The following SPAG9 variants were observed in gnomAD, a reference collection of about 807,000 sequenced individuals.
SPAG9 encodes the protein sperm associated antigen 9, also known as C-Jun-amino-terminal kinase-interacting protein 4.
Under a neutral mutation model 166.5 loss-of-function variants are expected in SPAG9, and 35 were observed. The ratio of observed to expected loss-of-function variants is 0.21; its 90% confidence interval spans 0.16 to 0.28. SPAG9 has a LOEUF of 0.28. Ranked by LOEUF, SPAG9 falls within the 10% of genes least tolerant of loss-of-function variation. SPAG9 has a pLI of 1.00. For synonymous variants in SPAG9, 534 were observed against 565.5 expected (o/e 0.94, Z 0.79); for missense variants, 1,235 against 1,603.3 (o/e 0.77, Z 3.92).
chr17:51,119,013 G>A (rs990027927), intron 1 of SPAG9, among the ~76,000 whole-genome samples: 1 of 129,240 alleles, frequency 7.7e-6, no homozygotes, highest in Non-Finnish European at 1.6e-5. Flanking sequence ...CACCCTGGGC[G>A]ACAGAGTGAG....
chr17:51,096,930 C>T (rs1000925984), intron 1 of SPAG9, among the ~76,000 whole-genome samples: 1 of 152,156 alleles, frequency 6.6e-6, no homozygotes, highest in Non-Finnish European at 1.5e-5. Flanking sequence ...AGATTCATGG[C>T]TGGCAGCCCC....
At chr17:51,004,946 T>C (rs1377522163) in intron 12 of SPAG9, among the ~76,000 whole-genome samples, 1 of 152,152 alleles carries the variant, frequency 6.6e-6, no homozygotes, top group Non-Finnish European at 1.5e-5. Context: ...AACCCCAAAA[T>C]GTCCCAGTTG....
At chr17:51,084,179 T>C (rs868865554) in intron 1 of SPAG9, 4 of 152,076 alleles carry the variant, frequency 2.6e-5, no homozygotes, top group South Asian at 2.1e-4. Flanking sequence ...CAAGTGTTCA[T>C]TGGCTAGAAC....
chr17:51,091,984 TA>T (rs66581264), intron 1 of SPAG9, among the ~76,000 whole-genome samples: 69,156 of 129,202 alleles, frequency 0.54, 17,965 homozygotes, highest in Non-Finnish European at 0.58. Flanking sequence ...CTCCCAAAGT[TA>T]AAAAAAAAAA....
chr17:51,033,788 G>A (rs965167336), intron 5 of SPAG9, among the ~76,000 whole-genome samples: 3 of 152,184 alleles, frequency 2.0e-5, no homozygotes, highest in Non-Finnish European at 4.4e-5. Flanking sequence ...ATTTTTTTGA[G>A]TGAAAAAGGT....
chr17:51,105,022 G>A (rs1308629770), intron 1 of SPAG9, among the ~76,000 whole-genome samples: 1 of 151,634 alleles, frequency 6.6e-6, no homozygotes, highest in Admixed American at 6.6e-5. Context: ...TGTGAACTGG[G>A]GAGGCAGAGC....
At chr17:51,009,110 A>C (rs1406073807) in intron 9 of SPAG9, 1 of 446,020 alleles carries the variant, frequency 2.2e-6, no homozygotes, top group South Asian at 1.6e-5. Context: ...GTAATATTAA[A>C]ATATTCAAAA....
intron 27 of SPAG9, chr17:50,976,790 T>G (rs1974239804): frequency 4.6e-6 from 1 of 219,392 alleles, no homozygotes; most frequent in Admixed American, 5.6e-5. Flanking sequence ...AGATGAATGC[T>G]AGGTAGTGTT....
intron 25 of SPAG9, 25 bp downstream of exon 25, chr17:50,982,499 C>T: frequency 6.3e-7 from 1 of 1,588,150 alleles, no homozygotes; most frequent in East Asian, 2.2e-5. Flanking sequence ...TCAATAAATA[C>T]AGAAAACATA....
In SPAG9 at chr17:50,964,096, T is replaced by A. The variant is rs1567939572; in HGVS notation, c.*2176A>T. The A allele has an allele frequency of 6.6e-6, 1 of 152,180 alleles. No individual in the cohort carries two copies. 9.4% of individuals were successfully genotyped at this position (152,180 alleles called of 1,614,324 possible). A position where few individuals can be genotyped will look rare whatever the true frequency, so the allele number is the denominator to read the frequency against. On this transcript the variant is annotated 3_prime_UTR_variant, in exon 30 of 30. Transcript: ENST00000262013. ...CTTCACAATCTAGCCTAATCGTGTA[T>A]ATGCATAAAAGCCACTGGTATACTT...
chr17:51,080,886 C>CAAAAAAAAAAAAA (rs200436430), intron 1 of SPAG9, among the ~76,000 whole-genome samples: 1 of 67,850 alleles, frequency 1.5e-5, no homozygotes, highest in Non-Finnish European at 2.5e-5. Flanking sequence ...GACTCTATCT[C>CAAAAAAAAAAAAA]AAAAAAAAAA....
At chr17:51,087,002 A>G (rs2144669870) in intron 1 of SPAG9, among the ~76,000 whole-genome samples, 2 of 152,346 alleles carry the variant, frequency 1.3e-5, no homozygotes, top group African/African-American at 4.8e-5. Flanking sequence ...CTCAGTTCTG[A>G]TAAGACATCC....
At chr17:51,036,694 T>C (rs2046598410) in intron 5 of SPAG9, among the ~76,000 whole-genome samples, 1 of 152,112 alleles carries the variant, frequency 6.6e-6, no homozygotes, top group Non-Finnish European at 1.5e-5. Context: ...AGGGATGTCC[T>C]TAATGTTGCT....
At chr17:51,039,937 AG>A (rs982696246) in intron 5 of SPAG9, among the ~76,000 whole-genome samples, 1 of 152,110 alleles carries the variant, frequency 6.6e-6, no homozygotes, top group Non-Finnish European at 1.5e-5. Flanking sequence ...ACAGAAGTAA[AG>A]AAAGAGAGAG....
Position 50,966,312 on chromosome 17 carries a change from C to T in SPAG9, c.3926G>A (p.Ser1309Asn), listed in dbSNP as rs1973360515. The T allele has an allele frequency of 6.2e-7, 1 of 1,614,008 alleles. No individual in the cohort carries two copies. Among genetic ancestry groups the T allele is most frequent in the Non-Finnish European group, 8.5e-7 (1 of 1,179,896 alleles). ...CATCACTTGCCACACTATCAAGTGA[C>T]TCCTTTCTGCTTTGGTGACAGAAGG... is the stretch of plus-strand genomic sequence containing the variant. ...LEPSVTKAER[S>N]HLIVWQVMYG... is the part of the protein sequence containing the mutation. Residue 1309 changes from serine (S) to asparagine (N), a missense_variant, in exon 30 of 30, where the codon AGT becomes AAT. Around this residue, in one of 6 missense-constraint regions of SPAG9, gnomAD observed 243 missense variants for 358.6 expected, o/e 0.68. Coordinates refer to ENST00000262013, the MANE Select transcript of SPAG9 (RefSeq NM_001130528.3).
chr17:51,041,451 G>C lies in SPAG9; in HGVS notation c.741+50C>G, dbSNP rs778873857. 4 of 1,559,994 alleles carry C rather than the reference G, an allele frequency of 2.6e-6. No individual in the cohort carries two copies. In the Admixed American group the frequency reaches 7.3e-5, roughly 29 times the overall value. Reference sequence around the variant, plus strand: ...TCGTCTAGCACTTCAATTAGGATAAGAAAGTTTATGAAATATAAACTGACA... The same window carrying C: ...TCGTCTAGCACTTCAATTAGGATAACAAAGTTTATGAAATATAAACTGACA... On this transcript the variant is annotated intron_variant, in intron 5 of 29. Transcript: ENST00000262013.
Position 51,021,196 on chromosome 17 carries a change from T to A in SPAG9, c.953A>T (p.Glu318Val). 6.2e-7 allele frequency: 1 copy of A among 1,614,072 alleles called. No individual in the cohort carries two copies. Among genetic ancestry groups the A allele is most frequent in the Non-Finnish European group, 8.5e-7 (1 of 1,179,984 alleles). ...TCTAGTTTCCTGGGCTACCTGTACT[T>A]CAATGTGTTTGCTTATCTCTGATTT... Reference protein sequence around the residue: ...PNKSEISKHIEVQVAQETRNV... With the variant: ...PNKSEISKHIVVQVAQETRNV... Residue 318 changes from glutamate to valine, a missense_variant, in exon 7 of 30, where the codon GAA (glutamate) becomes GTA (valine). Coordinates refer to ENST00000262013, the MANE Select transcript of SPAG9 (RefSeq NM_001130528.3).
At chr17:51,073,899 G>A (rs1321481336) in intron 2 of SPAG9, among the ~76,000 whole-genome samples, 1 of 152,040 alleles carries the variant, frequency 6.6e-6, no homozygotes, top group Non-Finnish European at 1.5e-5. Context: ...TCAGGAGTTC[G>A]AGACCAGCCT....
intron 1 of SPAG9, among the ~76,000 whole-genome samples, chr17:51,095,958 G>GATATATATAGTGATAT (rs2048617176): frequency 7.1e-5 from 7 of 99,256 alleles, no homozygotes; most frequent in African/African-American, 3.9e-4. Flanking sequence ...TATATATAGT[G>GATATATATAGTGATAT]ATATATATAT....
Sources: allele counts gnomAD v4.1 joint callset (sites outside exome capture counted in the v4.1 genomes callset), GRCh38; gene constraint gnomAD v4.1.1; regional missense constraint gnomAD v4.1.1; transcripts MANE v1.5; gene names NCBI Gene and HGNC (gene_info 2026-07-23, HGNC 2026-07-21).